Variants in CADPS observed in about 807,000 individuals in gnomAD.
The protein encoded by CADPS is calcium dependent secretion activator.
CADPS carries 57 observed loss-of-function variants against 167.3 expected under a neutral mutation model. The ratio of observed to expected loss-of-function variants is 0.34; its 90% confidence interval spans 0.28 to 0.42. The LOEUF is 0.42. Among genes scored for constraint, CADPS ranks in the 20% least tolerant of loss-of-function variants. The pLI, the probability that CADPS is intolerant of heterozygous loss-of-function variation, is 1.00. For missense variants in CADPS, 1,414 were observed against 1,738.1 expected, an observed-to-expected ratio of 0.81 and a Z score of 3.32; for synonymous variants, 676 against 635.3, an observed-to-expected ratio of 1.06 and a Z score of -0.96.
chr3:62,794,720 T>TA (rs1185207171), intron 1 of CADPS, among the ~76,000 whole-genome samples: 4 of 144,254 alleles, frequency 2.8e-5, no homozygotes, highest in African/African-American at 1.1e-4. Flanking sequence ...GCCCCGCGGA[T>TA]ACGTTTCTGT....
chr3:62,560,021 A>T (rs1207873179), intron 9 of CADPS, among the ~76,000 whole-genome samples: 1 of 146,344 alleles, frequency 6.8e-6, no homozygotes, highest in Non-Finnish European at 1.5e-5. Flanking sequence ...TCCTTCTTGG[A>T]GAGCTGTATG....
intron 22 of CADPS, among the ~76,000 whole-genome samples, chr3:62,480,659 CA>C (rs1193801014): frequency 2.0e-5 from 3 of 152,180 alleles, no homozygotes; most frequent in Non-Finnish European, 4.4e-5. Flanking sequence ...ACATCACTGC[CA>C]GTTTCAGACC....
intron 1 of CADPS, among the ~76,000 whole-genome samples, chr3:62,835,569 ACC>A (rs2075776833): frequency 1.3e-5 from 2 of 152,112 alleles, no homozygotes; most frequent in Admixed American, 1.3e-4. Flanking sequence ...ATGTGTATAC[ACC>A]TTGTAATCAT....
intron 28 of CADPS, among the ~76,000 whole-genome samples, chr3:62,428,534 A>G (rs1386568466): frequency 6.6e-6 from 1 of 152,026 alleles, no homozygotes; most frequent in African/African-American, 2.4e-5. Flanking sequence ...GAGTCCTCCA[A>G]ACATAATCTC....
chr3:62,818,338 C>T (rs1479193197), intron 1 of CADPS, among the ~76,000 whole-genome samples: 1 of 152,078 alleles, frequency 6.6e-6, no homozygotes, highest in East Asian at 1.9e-4. Context: ...TCCTACAACT[C>T]AATAGCAAAA....
chr3:62,644,649 C>T (rs868374870), intron 6 of CADPS, among the ~76,000 whole-genome samples: 31 of 152,232 alleles, frequency 2.0e-4, no homozygotes, highest in Admixed American at 1.3e-4. Context: ...CTGCTGGCCT[C>T]TTTTGAATTT....
At chr3:62,510,141 C>A (rs935308543) in intron 17 of CADPS, among the ~76,000 whole-genome samples, 1 of 152,024 alleles carries the variant, frequency 6.6e-6, no homozygotes, top group Admixed American at 6.6e-5. Context: ...CTACTCTCCT[C>A]TCCTTTCCTC....
intron 28 of CADPS, among the ~76,000 whole-genome samples, chr3:62,408,611 A>G (rs1005598156): frequency 2.0e-5 from 3 of 152,164 alleles, no homozygotes; most frequent in Non-Finnish European, 4.4e-5. Flanking sequence ...TGCTACAATG[A>G]TTGCTACTGC....
At chr3:62,778,744 A>G (rs954859794) in intron 1 of CADPS, among the ~76,000 whole-genome samples, 11 of 152,240 alleles carry the variant, frequency 7.2e-5, no homozygotes, top group African/African-American at 2.7e-4. Flanking sequence ...GACATAAGCC[A>G]AAGTTAAGAG....
intron 2 of CADPS, among the ~76,000 whole-genome samples, chr3:62,764,419 AT>A (rs2086328462): frequency 6.6e-6 from 1 of 152,226 alleles, no homozygotes. Flanking sequence ...AAAGATTTAA[AT>A]TTGGACAACT....
chr3:62,794,162 T>C (rs1488954937), intron 1 of CADPS, among the ~76,000 whole-genome samples: 1 of 152,172 alleles, frequency 6.6e-6, no homozygotes, highest in East Asian at 1.9e-4. Flanking sequence ...CTGGGTTCAG[T>C]TCCCAGCTCT....
chr3:62,693,916 T>C (rs2079730123), intron 3 of CADPS, among the ~76,000 whole-genome samples: 1 of 152,270 alleles, frequency 6.6e-6, no homozygotes, highest in African/African-American at 2.4e-5. Context: ...TTCTAACCCA[T>C]TTCATTTGTG....
chr3:62,402,390 T>C (rs1328862496), intron 29 of CADPS, among the ~76,000 whole-genome samples: 3 of 152,184 alleles, frequency 2.0e-5, no homozygotes, highest in African/African-American at 4.8e-5. Flanking sequence ...AAACCCTCTA[T>C]GGTGAAGCAT....
At chr3:62,779,312 C>G in intron 1 of CADPS, 1 of 392,408 alleles carries the variant, frequency 2.5e-6, no homozygotes, top group South Asian at 2.3e-5. Context: ...GCCTTCTTTC[C>G]CGCAGTGGTC....
chr3:62,447,168 A>C (rs150567057), intron 26 of CADPS, among the ~76,000 whole-genome samples: 5 of 152,342 alleles, frequency 3.3e-5, no homozygotes, highest in Admixed American at 2.6e-4. Context: ...AATCATGCCA[A>C]GTTCCTTAGC....
At chr3:62,449,439 G>A (rs907365632) in intron 26 of CADPS, among the ~76,000 whole-genome samples, 2 of 152,204 alleles carry the variant, frequency 1.3e-5, no homozygotes, top group African/African-American at 2.4e-5. Context: ...GAACCAGGAT[G>A]AGAATCTTTT....
intron 3 of CADPS, among the ~76,000 whole-genome samples, chr3:62,684,907 G>A (rs1162582170): frequency 1.3e-5 from 2 of 152,048 alleles, no homozygotes; most frequent in Admixed American, 6.6e-5. Context: ...GATGCTGGAG[G>A]AGAATTCTCT....
At chr3:62,591,396 T>A (rs566555320) in intron 7 of CADPS, among the ~76,000 whole-genome samples, 1 of 152,188 alleles carries the variant, frequency 6.6e-6, no homozygotes, top group South Asian at 2.1e-4. Context: ...TCCAAGGAGG[T>A]GGCATTTATG....
At chr3:62,452,384 G>C (rs901796003) in intron 26 of CADPS, among the ~76,000 whole-genome samples, 1 of 152,154 alleles carries the variant, frequency 6.6e-6, no homozygotes, top group Non-Finnish European at 1.5e-5. Context: ...AGTTGCACTA[G>C]TCGCAGTTGA....
Sources: gnomAD v4.1 joint callset for allele counts (sites outside exome capture counted in the v4.1 genomes callset) on GRCh38, gnomAD v4.1.1 for gene constraint, MANE v1.5 for transcripts, NCBI Gene and HGNC (gene_info 2026-07-23, HGNC 2026-07-21) for gene names.